The following COBLL1 variants were observed in gnomAD, a reference collection of about 807,000 sequenced individuals.
COBLL1 encodes the protein cordon-bleu protein-like 1.
A neutral mutation model predicts 94.8 loss-of-function variants in COBLL1; 50 were observed. That is an observed-to-expected ratio of 0.53 (90% CI 0.42 to 0.67). COBLL1 has a LOEUF of 0.67. Ranked by LOEUF, COBLL1 falls within the 30% of genes least tolerant of loss-of-function variation. The pLI, the probability that COBLL1 is intolerant of heterozygous loss-of-function variation, is 0.00. For synonymous variants in COBLL1, 448 were observed against 473.8 expected (o/e 0.95, Z 0.71); for missense variants, 1,362 against 1,348.7 (o/e 1.01, Z -0.15).
At chr2:164,818,932 GCTTT>G (rs910549044) in intron 2 of COBLL1, among the ~76,000 whole-genome samples, 4 of 151,048 alleles carry the variant, frequency 2.6e-5, no homozygotes, top group Non-Finnish European at 5.9e-5. Flanking sequence ...ACCAAGCCCG[GCTTT>G]TTTTTTTATT....
At chr2:164,828,430 G>A (rs1208284419) in intron 2 of COBLL1, among the ~76,000 whole-genome samples, 1 of 152,052 alleles carries the variant, frequency 6.6e-6, no homozygotes, top group Non-Finnish European at 1.5e-5. Flanking sequence ...CTATCAATAG[G>A]AGACTGGTTA....
At chr2:164,802,898 A>C (rs1683884090) in intron 2 of COBLL1, among the ~76,000 whole-genome samples, 1 of 152,206 alleles carries the variant, frequency 6.6e-6, no homozygotes, top group South Asian at 2.1e-4. Context: ...TAATTAAAGG[A>C]AGACATGAAT....
At chr2:164,714,853 T>C (rs1685082981) in intron 7 of COBLL1, among the ~76,000 whole-genome samples, 1 of 152,202 alleles carries the variant, frequency 6.6e-6, no homozygotes, top group Non-Finnish European at 1.5e-5. Context: ...TAACTCAGCA[T>C]GTTATTTTAG....
Position 164,728,101 on chromosome 2 carries a change from A to G in COBLL1, c.529T>C (p.Cys177Arg). The change falls in exon 5 of 14, where the codon TGT becomes CGT. Residue 177 changes from cysteine (C) to arginine (R), a missense_variant. Coordinates refer to ENST00000652658, the MANE Select transcript of COBLL1 (RefSeq NM_001365672.2). ...AACGGATCAAACTCACATTTGCTAC[A>G]TATAATAGGGGCAAGCTCTTGAAGC... ...ASLQELAPII[C>R]SKCEFDPLHT... 6 of 1,613,718 alleles carry G rather than the reference A, an allele frequency of 3.7e-6. No homozygotes were observed. The highest frequency in any genetic ancestry group is 5.1e-6 in the Non-Finnish European group (6 of 1,179,634).
chr2:164,747,157 T>G (rs1286485143), intron 2 of COBLL1, among the ~76,000 whole-genome samples: 3 of 152,112 alleles, frequency 2.0e-5, no homozygotes, highest in Non-Finnish European at 2.9e-5. Context: ...AAAAATAAAA[T>G]GAGCTTTCAT....
At chr2:164,788,045 A>G (rs1356295713) in intron 2 of COBLL1, among the ~76,000 whole-genome samples, 1 of 152,170 alleles carries the variant, frequency 6.6e-6, no homozygotes, top group African/African-American at 2.4e-5. Flanking sequence ...TGCACAGGTT[A>G]GCAGTCCGGG....
chr2:164,820,979 C>T (rs1353571692), intron 2 of COBLL1, among the ~76,000 whole-genome samples: 3 of 152,134 alleles, frequency 2.0e-5, no homozygotes, highest in Non-Finnish European at 1.5e-5. Flanking sequence ...CCTCCGCCTC[C>T]CAGGTTCAAG....
chr2:164,824,838 A>G (rs1046894148), intron 2 of COBLL1, among the ~76,000 whole-genome samples: 1 of 152,210 alleles, frequency 6.6e-6, no homozygotes. Context: ...TACAAAAAAA[A>G]GTGTTCAGTT....
chr2:164,808,163 T>C (rs1204015675), intron 2 of COBLL1, among the ~76,000 whole-genome samples: 1 of 152,202 alleles, frequency 6.6e-6, no homozygotes, highest in Non-Finnish European at 1.5e-5. Flanking sequence ...AGAATGTCTC[T>C]GTACAATTCA....
intron 2 of COBLL1, among the ~76,000 whole-genome samples, chr2:164,770,246 C>G (rs1214123103): frequency 6.6e-6 from 1 of 151,864 alleles, no homozygotes; most frequent in Non-Finnish European, 1.5e-5. Context: ...GTGTGCCCAG[C>G]ACCACTGAAA....
intron 3 of COBLL1, 29 bp downstream of exon 3, chr2:164,743,658 G>A (rs1377173396): frequency 3.2e-6 from 5 of 1,550,436 alleles, no homozygotes; most frequent in Non-Finnish European, 2.7e-6. Context: ...AGAAGGGGAG[G>A]TCCTGATATT....
At chr2:164,692,451 T>TC in intron 12 of COBLL1, 54 bp from the exon 13 acceptor site, 1 of 1,442,000 alleles carries the variant, frequency 6.9e-7, no homozygotes, top group Non-Finnish European at 9.5e-7. Context: ...GAATGGGCCA[T>TC]TTTTTGCAAA....
intron 2 of COBLL1, among the ~76,000 whole-genome samples, chr2:164,801,255 A>C (rs533055691): frequency 1.9e-4 from 28 of 151,126 alleles, no homozygotes; most frequent in Admixed American, 3.3e-4. Context: ...CTGGCTAACA[A>C]GGTGAAACCC....
intron 2 of COBLL1, among the ~76,000 whole-genome samples, chr2:164,834,556 A>C (rs1031959815): frequency 6.6e-6 from 1 of 152,214 alleles, no homozygotes; most frequent in African/African-American, 2.4e-5. Flanking sequence ...GTATGCAATA[A>C]ATTTTTAATT....
chr2:164,756,678 A>C (rs1687425520), intron 2 of COBLL1, among the ~76,000 whole-genome samples: 1 of 152,158 alleles, frequency 6.6e-6, no homozygotes, highest in Non-Finnish European at 1.5e-5. Flanking sequence ...GAGAAAACAA[A>C]AATATCTAGC....
chr2:164,798,656 CA>C (rs1683597697), intron 2 of COBLL1, among the ~76,000 whole-genome samples: 1 of 152,132 alleles, frequency 6.6e-6, no homozygotes, highest in African/African-American at 2.4e-5. Context: ...AACATATTTA[CA>C]ATGTTTTTCA....
At chr2:164,761,759 A>G (rs1316302739) in intron 2 of COBLL1, among the ~76,000 whole-genome samples, 1 of 152,224 alleles carries the variant, frequency 6.6e-6, no homozygotes. Context: ...TACTCCATAT[A>G]CAACACAGTA....
chr2:164,699,538 T>C (rs763045374), intron 10 of COBLL1, 39 bp from the exon 11 acceptor site: 23 of 1,201,762 alleles, frequency 1.9e-5, no homozygotes, highest in East Asian at 9.3e-5. Context: ...GTTGATACTA[T>C]TGAAACACAC....
At chr2:164,688,184 T>A (rs963036632) in intron 13 of COBLL1, among the ~76,000 whole-genome samples, 1 of 152,188 alleles carries the variant, frequency 6.6e-6, no homozygotes, top group Non-Finnish European at 1.5e-5. Context: ...GCTAGAAGCT[T>A]ACAGAGCAAC....
Sources: gnomAD v4.1 joint callset for allele counts (sites outside exome capture counted in the v4.1 genomes callset) on GRCh38, gnomAD v4.1.1 for gene constraint, MANE v1.5 for transcripts, NCBI Gene and HGNC (gene_info 2026-07-23, HGNC 2026-07-21) for gene names.